The following STAB2 variants were observed in gnomAD, a reference collection of about 807,000 sequenced individuals.
STAB2 encodes the protein stabilin-2.
STAB2 carries 288 observed loss-of-function variants against 338.1 expected under a neutral mutation model. The observed-to-expected ratio is 0.85, with a 90% CI of 0.77 to 0.94. The LOEUF is 0.94. STAB2 is among the 40% of genes least tolerant of loss of function. The pLI, the probability that STAB2 is intolerant of heterozygous loss-of-function variation, is 0.00. For missense variants in STAB2, 3,141 were observed against 3,210.1 expected (o/e 0.98, Z 0.52); for synonymous variants, 1,202 against 1,193.3 (o/e 1.01, Z -0.15).
In STAB2 at chr12:103,766,422, C is replaced by T. The variant is rs1884970846; in HGVS notation, c.*86C>T. The stretch of plus-strand genomic sequence containing the variant: ...CTCAGCACCAGTTGCCTTTTAGGAA[C>T]GTAAAGTCCTTTAAGCACTCAGAAG... On this transcript the variant is annotated 3_prime_UTR_variant, in exon 69 of 69. Coordinates refer to ENST00000388887, the MANE Select transcript of STAB2 (RefSeq NM_017564.10). The T allele has an allele frequency of 6.1e-6, 9 of 1,474,880 alleles. No homozygotes were observed. Among genetic ancestry groups the T allele is most frequent in the Admixed American group, 2.0e-5 (1 of 49,708 alleles). 91.4% of individuals were successfully genotyped at this position (1,474,880 alleles called of 1,614,324 possible).
intron 10 of STAB2, 138 bp from the exon 11 acceptor site, chr12:103,650,357 AG>A: frequency 5.1e-6 from 3 of 589,922 alleles, no homozygotes; most frequent in Non-Finnish European, 9.1e-6. Context: ...CAGTTGACAC[AG>A]GGCCTACACA....
In STAB2 at chr12:103,711,013, ATCTTT is replaced by A. The variant is rs530315930; in HGVS notation, c.4289-456_4289-452del. Among the ~76,000 whole-genome samples, 388 of 152,242 alleles carry A rather than the reference ATCTTT, an allele frequency of 2.5e-3. 8 individuals carry two copies. The highest frequency in any genetic ancestry group is 0.023 in the Admixed American group (346 of 15,302). On this transcript the variant is annotated intron_variant, in intron 39 of 68. Coordinates refer to ENST00000388887, the MANE Select transcript of STAB2 (RefSeq NM_017564.10). The stretch of plus-strand genomic sequence containing the variant: ...CCTGATTTTCTGCACATGCAAAAAA[ATCTTT>A]TATAATTATAGTTTTGCTTGTTTAC...
rs150189813 is a variant in STAB2, at chr12:103,620,516, C to T, written c.380C>T (p.Ala127Val). The change falls in exon 4 of 69, where the codon GCT becomes GTT. Residue 127 changes from alanine to valine, a missense_variant. Transcript: ENST00000388887. ...GSPCNGRGSC[A>V]EGMEGNGTCS... ...CCCTGCAATGGCAGAGGCAGTTGTG[C>T]TGAAGGCATGGAAGGAAATGGAACC... 92 of 1,582,214 alleles carry T rather than the reference C, an allele frequency of 5.8e-5. 1 individual carries two copies. The African/African-American group carries it at 1.0e-3, about 17-fold the overall frequency.
At position 103,662,841 on chromosome 12, in the gene STAB2, T is replaced by C; in HGVS notation, c.1870-5T>C. ...AGAATTAGAGATGTCATTTTTTCTT[T>C]CCAGGGACAGATTCTGGCAAATGAT... On this transcript the variant is annotated splice_region_variant and splice_polypyrimidine_tract_variant and intron_variant, in intron 17 of 68. Transcript: ENST00000388887. 6.2e-7 allele frequency: 1 copy of C among 1,614,094 alleles called. No individual in the cohort carries two copies. The highest frequency in any genetic ancestry group is 8.5e-7 in the Non-Finnish European group (1 of 1,180,002).
intron 2 of STAB2, among the ~76,000 whole-genome samples, chr12:103,593,098 G>A (rs1404700457): frequency 1.3e-5 from 2 of 152,018 alleles, no homozygotes; most frequent in Non-Finnish European, 2.9e-5. Flanking sequence ...TCCATGTCTT[G>A]GCTATTGTGA....
intron 55 of STAB2, 137 bp downstream of exon 55, chr12:103,740,893 T>C: frequency 8.0e-7 from 1 of 1,255,000 alleles, no homozygotes. Flanking sequence ...CCCAGAACTC[T>C]GAAGAGTTGT....
chr12:103,717,844 G>A lies in STAB2; in HGVS notation c.4683+3G>A. On this transcript the variant is annotated splice_donor_region_variant and intron_variant, in intron 44 of 68. Coordinates refer to ENST00000388887, the MANE Select transcript of STAB2 (RefSeq NM_017564.10). ...CACTCATCAATGTCTGCTTAACTGT[G>A]AGTATGGCTCTAGGGTGGATATCCT... 6.2e-7 allele frequency: 1 copy of A among 1,614,082 alleles called. No homozygotes were observed. Among genetic ancestry groups the A allele is most frequent in the Non-Finnish European group, 8.5e-7 (1 of 1,179,968 alleles).
intron 28 of STAB2, 122 bp downstream of exon 28, chr12:103,688,337 TTCTCAACGCTGGCTGCACTGTGGA>T: frequency 1.1e-6 from 1 of 930,242 alleles, no homozygotes; most frequent in Non-Finnish European, 1.7e-6. Flanking sequence ...TGAGCAGTGT[TTCTCAACGCTGGCTGCACTGTGGA>T]ACCACATGGA....
chr12:103,654,850 A>G, intron 13 of STAB2, 152 bp downstream of exon 13: 1 of 954,502 alleles, frequency 1.0e-6, no homozygotes, highest in East Asian at 2.6e-5. Flanking sequence ...GTCTGTTTCC[A>G]ATAGAAACCT....
rs745972632 is a variant in STAB2, at chr12:103,699,171, C to T, written c.3658C>T (p.Arg1220Cys). 15 of 1,613,334 alleles carry T rather than the reference C, an allele frequency of 9.3e-6. No homozygotes were observed. The highest frequency in any genetic ancestry group is 3.3e-5 in the Admixed American group (2 of 59,976). ...LKNDLHNGMHRETMLGFSYFL... is the reference protein window; with the variant it reads ...LKNDLHNGMHCETMLGFSYFL... ...GAATGACCTGCACAATGGCATGCAT[C>T]GTGAGACCATGCTGGGTTTCTCCTA... The change falls in exon 34 of 69, where the codon CGT becomes TGT. Residue 1220 changes from arginine to cysteine, a missense_variant. Coordinates refer to ENST00000388887, the MANE Select transcript of STAB2 (RefSeq NM_017564.10).
intron 50 of STAB2, among the ~76,000 whole-genome samples, chr12:103,732,796 C>A (rs545951628): frequency 5.9e-5 from 9 of 152,256 alleles, no homozygotes; most frequent in Admixed American, 5.9e-4. Context: ...CAGAGTGAGA[C>A]CCTGTCTCAA....
chr12:103,727,545 A>G (rs1881309975), intron 47 of STAB2, among the ~76,000 whole-genome samples, 195 bp downstream of exon 47: 1 of 152,258 alleles, frequency 6.6e-6, no homozygotes, highest in South Asian at 2.1e-4. Context: ...ATTTGGGGTA[A>G]CCACTGGCCA....
Position 103,662,913 on chromosome 12 carries a change from A to T in STAB2, c.1937A>T (p.Tyr646Phe). ...IEITAKNGRIYTLTGVLIPPS... is the reference protein window; with the variant it reads ...IEITAKNGRIFTLTGVLIPPS... The stretch of plus-strand genomic sequence containing the variant: ...ATCACTGCCAAAAATGGCCGAATTT[A>T]CACACTGACAGGAGTTCTCATTCCT... The change falls in exon 18 of 69, where the codon TAC becomes TTC. Residue 646 changes from tyrosine to phenylalanine, a missense_variant. Coordinates refer to ENST00000388887, the MANE Select transcript of STAB2 (RefSeq NM_017564.10). The T allele has an allele frequency of 3.1e-6, 5 of 1,614,210 alleles. No homozygotes were observed. The highest frequency in any genetic ancestry group is 4.2e-6 in the Non-Finnish European group (5 of 1,180,022).
At chr12:103,598,528 A>G (rs186676927) in intron 3 of STAB2, among the ~76,000 whole-genome samples, 6 of 152,276 alleles carry the variant, frequency 3.9e-5, no homozygotes, top group Admixed American at 3.9e-4. Flanking sequence ...CAAATTATAT[A>G]ATATGTCTTT....
intron 18 of STAB2, among the ~76,000 whole-genome samples, chr12:103,664,134 G>GTTTTGTTTTGTT (rs1211665522): frequency 1.5e-4 from 10 of 65,668 alleles, no homozygotes; most frequent in Non-Finnish European, 3.0e-4. Flanking sequence ...TTTTGTTTTT[G>GTTTTGTTTTGTT]TTTGTTTGTT....
chr12:103,664,594 C>T (rs1874912270), intron 18 of STAB2, among the ~76,000 whole-genome samples: 1 of 152,134 alleles, frequency 6.6e-6, no homozygotes, highest in Non-Finnish European at 1.5e-5. Context: ...TTAGTGATTG[C>T]TCTGACAATA....
chr12:103,658,983 T>A (rs1874397067), intron 15 of STAB2, among the ~76,000 whole-genome samples: 1 of 152,200 alleles, frequency 6.6e-6, no homozygotes, highest in Non-Finnish European at 1.5e-5. Flanking sequence ...TCTCCATTTC[T>A]GAATACCATG....
In STAB2 at chr12:103,761,454, G is replaced by A. The variant is rs376251733; in HGVS notation, c.7359+44G>A. 4.4e-5 allele frequency: 68 copies of A among 1,556,428 alleles called. No individual in the cohort carries two copies. In the African/African-American group the frequency reaches 8.6e-4, roughly 20 times the overall value. ...TGATAACGGGCCAGGAGGAGCCCCG[G>A]TGCCCACTCACCAACAGGCAAACCA... is the stretch of plus-strand genomic sequence containing the variant. On this transcript the variant is annotated intron_variant, in intron 66 of 68. Transcript: ENST00000388887.
At position 103,739,447 on chromosome 12, in the gene STAB2, C is replaced by T. The variant is rs1882399737; in HGVS notation, c.5733C>T (p.Cys1911=). 2.5e-6 allele frequency: 4 copies of T among 1,593,936 alleles called. No individual in the cohort carries two copies. In the South Asian group the frequency reaches 4.6e-5, roughly 18 times the overall value. ...ECGSCVNTPS[C]PRWSKPKGVK... The stretch of plus-strand genomic sequence containing the variant: ...GGAGCTGTGTCAATACTCCCAGCTG[C>T]CCAAGGTGGAGTAAACCAAAGGTAA... The change falls in exon 54 of 69, where the codon TGC becomes TGT. Residue 1911 remains cysteine (C), a synonymous_variant. Transcript: ENST00000388887.
Sources: allele counts gnomAD v4.1 joint callset (sites outside exome capture counted in the v4.1 genomes callset), GRCh38; gene constraint gnomAD v4.1.1; transcripts MANE v1.5; gene names NCBI Gene and HGNC (gene_info 2026-07-23, HGNC 2026-07-21).